The following ZNF385D variants were observed in gnomAD, a reference collection of about 807,000 sequenced individuals.
The protein encoded by ZNF385D is zinc finger protein 659.
ZNF385D carries 15 observed loss-of-function variants against 35.8 expected under a neutral mutation model. The ratio of observed to expected loss-of-function variants is 0.42; its 90% confidence interval spans 0.28 to 0.64. The LOEUF is 0.64. Ranked by LOEUF, ZNF385D falls within the 30% of genes least tolerant of loss-of-function variation. The pLI is 0.23. For synonymous variants in ZNF385D, 212 were observed against 186.8 expected, an observed-to-expected ratio of 1.13 and a Z score of -1.10; for missense variants, 474 against 494.6, an observed-to-expected ratio of 0.96 and a Z score of 0.39.
intron 3 of ZNF385D, among the ~76,000 whole-genome samples, chr3:21,519,973 A>G (rs1189306700): frequency 6.6e-6 from 1 of 152,228 alleles, no homozygotes; most frequent in Non-Finnish European, 1.5e-5. Flanking sequence ...CATAAATAAA[A>G]TGTGCGTCTC....
At position 22,067,224 on chromosome 3, in the gene ZNF385D, GTTTCT is replaced by G. The variant is rs758038329; in HGVS notation, c.325+101588_325+101592del. 3.9e-5 allele frequency among the ~76,000 whole-genome samples: 6 copies of G among 152,144 alleles called. No individual in the cohort carries two copies. In the East Asian group the frequency reaches 5.8e-4, roughly 15 times the overall value. ...ATATCACTGGCTTCAAATTTATCCAGTTTCTTTTCTTTTATGACTGGAGACATTAA... is the reference window on the plus strand; with the variant it reads ...ATATCACTGGCTTCAAATTTATCCAGTTTCTTTTATGACTGGAGACATTAA... On this transcript the variant is annotated intron_variant, in intron 3 of 5. Coordinates refer to the ZNF385D transcript ENST00000494108.
intron 3 of ZNF385D, among the ~76,000 whole-genome samples, chr3:22,150,389 T>C (rs1278031636): frequency 1.3e-5 from 2 of 152,066 alleles, no homozygotes; most frequent in Non-Finnish European, 2.9e-5. Context: ...GCTGTATTCA[T>C]ACTAGATTTT....
chr3:22,207,920 T>C (rs1427485791), intron 2 of ZNF385D, among the ~76,000 whole-genome samples: 4 of 151,730 alleles, frequency 2.6e-5, no homozygotes, highest in Admixed American at 6.6e-5. Flanking sequence ...GTCCAAAAGA[T>C]AGACAATAAC....
chr3:21,750,857 G>A (rs1440188539), intron 1 of ZNF385D, 38 bp downstream of exon 1: 1 of 1,612,830 alleles, frequency 6.2e-7, no homozygotes, highest in Non-Finnish European at 8.5e-7. Flanking sequence ...TGAAGAGCCG[G>A]ACACCCCCAG....
chr3:21,572,953 T>C (rs1393187820), intron 2 of ZNF385D, among the ~76,000 whole-genome samples: 1 of 152,176 alleles, frequency 6.6e-6, no homozygotes, highest in Non-Finnish European at 1.5e-5. Flanking sequence ...TAGACACTTT[T>C]TTTTTTACTC....
intron 3 of ZNF385D, among the ~76,000 whole-genome samples, chr3:21,540,650 G>A (rs1304078701): frequency 3.9e-5 from 6 of 152,110 alleles, no homozygotes; most frequent in East Asian, 3.9e-4. Flanking sequence ...CTGATGTCCC[G>A]ATAAACCTGA....
chr3:22,326,499 G>GCCGGGCAT, intron 2 of ZNF385D, among the ~76,000 whole-genome samples: 1 of 152,220 alleles, frequency 6.6e-6, no homozygotes, highest in South Asian at 2.1e-4. Context: ...ATCACTTTCA[G>GCCGGGCAT]GTATTTTCCA....
intron 2 of ZNF385D, among the ~76,000 whole-genome samples, chr3:21,567,490 T>A (rs913987948): frequency 6.6e-6 from 1 of 152,108 alleles, no homozygotes; most frequent in African/African-American, 2.4e-5. Flanking sequence ...CTCATTCTGT[T>A]CTCTAGGATC....
At chr3:22,289,805 G>A (rs1237284642) in intron 2 of ZNF385D, among the ~76,000 whole-genome samples, 1 of 152,018 alleles carries the variant, frequency 6.6e-6, no homozygotes, top group Non-Finnish European at 1.5e-5. Flanking sequence ...CGATAGACCT[G>A]GATTTACCCC....
chr3:21,462,553 C>T (rs1215195697), intron 4 of ZNF385D, among the ~76,000 whole-genome samples: 1 of 152,120 alleles, frequency 6.6e-6, no homozygotes, highest in East Asian at 1.9e-4. Context: ...GTAATAGCAA[C>T]TTTAAGGAGG....
chr3:22,091,925 G>A (rs967796695), intron 3 of ZNF385D, among the ~76,000 whole-genome samples: 4 of 152,142 alleles, frequency 2.6e-5, no homozygotes, highest in Non-Finnish European at 5.9e-5. Flanking sequence ...AATTTGAGGA[G>A]TAATTAATAT....
intron 4 of ZNF385D, among the ~76,000 whole-genome samples, chr3:21,458,881 T>C: frequency 6.6e-6 from 1 of 152,110 alleles, no homozygotes. Flanking sequence ...AGTGGTGATG[T>C]ACAAAGTTCT....
chr3:22,079,223 C>A (rs1257380136), intron 3 of ZNF385D, among the ~76,000 whole-genome samples: 1 of 151,914 alleles, frequency 6.6e-6, no homozygotes, highest in African/African-American at 2.4e-5. Flanking sequence ...CATTAAAATG[C>A]AATTAGCTGA....
At chr3:21,797,094 G>A (rs903350537) in intron 3 of ZNF385D, among the ~76,000 whole-genome samples, 3 of 152,144 alleles carry the variant, frequency 2.0e-5, no homozygotes, top group Non-Finnish European at 4.4e-5. Context: ...ACACATATCT[G>A]ATAAAGGACT....
At chr3:21,968,776 G>A (rs1412019967) in intron 3 of ZNF385D, among the ~76,000 whole-genome samples, 1 of 152,172 alleles carries the variant, frequency 6.6e-6, no homozygotes, top group African/African-American at 2.4e-5. Context: ...TGCTTTAGGT[G>A]TGACCCAGCA....
chr3:22,285,009 G>A lies in ZNF385D; in HGVS notation c.106+87441C>T, dbSNP rs535187337. On this transcript the variant is annotated intron_variant, in intron 2 of 5. Coordinates refer to the ZNF385D transcript ENST00000494108. ...GAGGAGAAAAAGTTACTGAATGAAT[G>A]TTTAGTTTACTGAATAATAAGCTAA... 4.1e-4 allele frequency among the ~76,000 whole-genome samples: 62 copies of A among 152,146 alleles called. 1 individual carries two copies. In the South Asian group the frequency reaches 0.011, roughly 27 times the overall value.
intron 3 of ZNF385D, among the ~76,000 whole-genome samples, chr3:22,096,191 G>A (rs1446663636): frequency 6.6e-6 from 1 of 151,854 alleles, no homozygotes; most frequent in Non-Finnish European, 1.5e-5. Context: ...AAGGAGACAA[G>A]GGTTGAAAAA....
chr3:21,804,335 C>G (rs1199437037), intron 3 of ZNF385D, among the ~76,000 whole-genome samples: 1 of 152,138 alleles, frequency 6.6e-6, no homozygotes, highest in Non-Finnish European at 1.5e-5. Context: ...AAATATATCT[C>G]TATTTACAAG....
intron 3 of ZNF385D, among the ~76,000 whole-genome samples, chr3:21,979,242 AC>A (rs1694261702): frequency 6.6e-6 from 1 of 152,274 alleles, no homozygotes; most frequent in African/African-American, 2.4e-5. Flanking sequence ...GTATAACTGC[AC>A]CAAACAGAAG....
Sources: allele counts gnomAD v4.1 joint callset (sites outside exome capture counted in the v4.1 genomes callset), GRCh38; gene constraint gnomAD v4.1.1; transcripts MANE v1.5; gene names NCBI Gene and HGNC (gene_info 2026-07-23, HGNC 2026-07-21).